Variants in SLC2A5 observed in about 807,000 individuals in gnomAD.
SLC2A5 encodes solute carrier family 2, facilitated glucose transporter member 5.
SLC2A5 carries 56 observed loss-of-function variants against 50.3 expected under a neutral mutation model. That is an observed-to-expected ratio of 1.11 (90% CI 0.90 to 1.39). The LOEUF is 1.39. SLC2A5 is among the 40% of genes most tolerant of loss of function. The probability of loss-of-function intolerance (pLI) is 0.00; values close to 1 mark genes in which losing one functional copy is unlikely to be tolerated. For synonymous variants in SLC2A5, 269 were observed against 281.9 expected (o/e 0.95, Z 0.46); for missense variants, 566 against 650.1 (o/e 0.87, Z 1.41).
At chr1:9,041,705 G>T (rs377511535) in intron 5 of SLC2A5, 80 bp downstream of exon 5, 1 of 1,612,492 alleles carries the variant, frequency 6.2e-7, no homozygotes, top group South Asian at 1.1e-5. Context: ...CTGTCCTGTG[G>T]TGGTGGCTTT....
chr1:9,091,698 T>C (rs1217768423), upstream of SLC2A5, among the ~76,000 whole-genome samples: 3 of 152,072 alleles, frequency 2.0e-5, no homozygotes, highest in Non-Finnish European at 4.4e-5. Context: ...TCTCACCATG[T>C]TTTACCACCT....
At position 9,037,802 on chromosome 1, in the gene SLC2A5, G is replaced by T. The variant is rs763187758; in HGVS notation, c.1303-13C>A. ...GGCCGAGGCCCTCCTGCGGGAAGAG[G>T]GGCAGGTGACACGTGTGGGACGTGG... On this transcript the variant is annotated splice_polypyrimidine_tract_variant and intron_variant, in intron 11 of 11. Transcript: ENST00000377424. The T allele has an allele frequency of 4.3e-6, 7 of 1,614,088 alleles. No homozygotes were observed. The highest frequency in any genetic ancestry group is 5.9e-6 in the Non-Finnish European group (7 of 1,180,020).
chr1:9,037,769 G>A lies in SLC2A5; in HGVS notation c.1323C>T (p.Ser441=). The A allele has an allele frequency of 1.2e-6, 2 of 1,614,182 alleles. No individual in the cohort carries two copies. The highest frequency in any genetic ancestry group is 2.2e-5 in the South Asian group (2 of 91,086). The change falls in exon 12 of 12, where the codon AGC becomes AGT. Residue 441 remains serine (S), a synonymous_variant. Transcript: ENST00000377424. ...PFIQEGLGPY[S]FIVFAVICLL... is the part of the protein sequence containing the mutation. ...GGCAGATCACGGCGAAGACAATGAA[G>A]CTGTACGGGCCGAGGCCCTCCTGCG...
upstream of SLC2A5, among the ~76,000 whole-genome samples, chr1:9,091,827 C>A (rs1022582380): frequency 6.6e-6 from 1 of 152,176 alleles, no homozygotes; most frequent in African/African-American, 2.4e-5. Flanking sequence ...TATCCACTTT[C>A]TCCCACCTAG....
upstream of SLC2A5, among the ~76,000 whole-genome samples, chr1:9,091,285 C>A (rs151028365): frequency 3.3e-5 from 5 of 152,290 alleles, no homozygotes; most frequent in East Asian, 1.9e-4. Flanking sequence ...TCCGCTAAGA[C>A]CTTTTCATCT....
intron 4 of SLC2A5, 82 bp from the exon 5 acceptor site, chr1:9,042,019 C>T (rs1483318069): frequency 6.9e-7 from 1 of 1,450,496 alleles, no homozygotes; most frequent in East Asian, 2.5e-5. Context: ...CTATTCTTAG[C>T]AATAACATTA....
Position 9,039,866 on chromosome 1 carries a change from C to G in SLC2A5, c.819G>C (p.Ser273=). The G allele has an allele frequency of 6.2e-7, 1 of 1,611,992 alleles. No individual in the cohort carries two copies. Among genetic ancestry groups the G allele is most frequent in the Non-Finnish European group, 8.5e-7 (1 of 1,179,516 alleles). Residue 273 remains serine, a synonymous_variant, in exon 7 of 12, where the codon TCG becomes TCC. Transcript: ENST00000377424. The part of the protein sequence containing the change: ...ISVLKLFRMR[S]LRWQLLSIIV... ...TGATGGACAGCAGCTGCCAGCGCAG[C>G]GAGCGCATCCGGAACAGCTTCAGCA...
At chr1:9,048,370 C>G (rs888182355) in intron 3 of SLC2A5, among the ~76,000 whole-genome samples, 2 of 151,864 alleles carry the variant, frequency 1.3e-5, no homozygotes, top group African/African-American at 4.8e-5. Flanking sequence ...CTAGCAGGGC[C>G]CACTGGTGGC....
intron 1 of SLC2A5, among the ~76,000 whole-genome samples, chr1:9,087,786 C>T (rs1642418550): frequency 6.6e-6 from 1 of 152,126 alleles, no homozygotes; most frequent in African/African-American, 2.4e-5. Flanking sequence ...AGGAATCCAC[C>T]TCCAACTGCC....
At chr1:9,087,298 G>T (rs563724499) in intron 1 of SLC2A5, among the ~76,000 whole-genome samples, 2 of 151,012 alleles carry the variant, frequency 1.3e-5, no homozygotes, top group African/African-American at 4.9e-5. Flanking sequence ...TCCGCCTCCC[G>T]GGTTCTCGCC....
intron 1 of SLC2A5, among the ~76,000 whole-genome samples, chr1:9,068,379 C>T (rs1191251325): frequency 6.6e-6 from 1 of 151,690 alleles, no homozygotes; most frequent in African/African-American, 2.4e-5. Context: ...AAAGAACTTA[C>T]CCAAGTCCCA....
chr1:9,038,145 A>G, intron 10 of SLC2A5, 121 bp from the exon 11 acceptor site: 1 of 1,222,724 alleles, frequency 8.2e-7, no homozygotes, highest in Non-Finnish European at 1.1e-6. Context: ...ACTCTTGGGC[A>G]TGTGGGGCAG....
chr1:9,043,211 G>C (rs1378968913), intron 4 of SLC2A5, among the ~76,000 whole-genome samples: 1 of 152,190 alleles, frequency 6.6e-6, no homozygotes, highest in Non-Finnish European at 1.5e-5. Context: ...CTCAGGAACA[G>C]AGTTTGGAGT....
At chr1:9,081,468 T>TA (rs34557003) in intron 2 of SLC2A5, among the ~76,000 whole-genome samples, 43,068 of 102,034 alleles carry the variant, frequency 0.42, 8,990 homozygotes, top group East Asian at 0.74. Context: ...CTCCTTCTCT[T>TA]AAAAAAAAAA....
upstream of SLC2A5, among the ~76,000 whole-genome samples, chr1:9,092,843 G>A (rs958838222): frequency 1.3e-5 from 2 of 152,042 alleles, no homozygotes; most frequent in Non-Finnish European, 2.9e-5. Flanking sequence ...CAGTCTTCAG[G>A]AAAGGTTGAG....
chr1:9,057,045 A>C (rs534685976), intron 3 of SLC2A5, among the ~76,000 whole-genome samples: 1 of 152,162 alleles, frequency 6.6e-6, no homozygotes, highest in East Asian at 1.9e-4. Context: ...TAATCCCAGC[A>C]CTCTGGGGGG....
intron 1 of SLC2A5, among the ~76,000 whole-genome samples, chr1:9,087,782 C>T (rs1642418504): frequency 6.6e-6 from 1 of 152,140 alleles, no homozygotes; most frequent in South Asian, 2.1e-4. Context: ...TCTCAGGAAT[C>T]CACCTCCAAC....
At chr1:9,056,754 T>C (rs2124401159) in intron 3 of SLC2A5, among the ~76,000 whole-genome samples, 1 of 152,298 alleles carries the variant, frequency 6.6e-6, no homozygotes, top group South Asian at 2.1e-4. Flanking sequence ...GGGGCAAAGA[T>C]ACAGCCCTGA....
At chr1:9,041,995 T>C in intron 4 of SLC2A5, 58 bp from the exon 5 acceptor site, 1 of 1,492,914 alleles carries the variant, frequency 6.7e-7, no homozygotes, top group Non-Finnish European at 8.9e-7. Flanking sequence ...AGGGACAAGC[T>C]GTCTTCAAGT....
Sources: gnomAD v4.1 joint callset for allele counts (sites outside exome capture counted in the v4.1 genomes callset) on GRCh38, gnomAD v4.1.1 for gene constraint, MANE v1.5 for transcripts, NCBI Gene and HGNC (gene_info 2026-07-23, HGNC 2026-07-21) for gene names.